The following DDAH1 variants were observed in gnomAD, a reference collection of about 807,000 sequenced individuals.
The protein encoded by DDAH1 is dimethylarginine dimethylaminohydrolase 1.
DDAH1 carries 19 observed loss-of-function variants against 28.8 expected under a neutral mutation model. The ratio of observed to expected loss-of-function variants is 0.66; its 90% CI spans 0.46 to 0.97. The LOEUF is 0.97. Ranked by LOEUF, DDAH1 falls within the 50% of genes least tolerant of loss-of-function variation. The probability of loss-of-function intolerance (pLI) is 0.00; values close to 1 mark genes in which losing one functional copy is unlikely to be tolerated. For synonymous variants in DDAH1, 153 were observed against 154.4 expected, an observed-to-expected ratio of 0.99 and a Z score of 0.07; for missense variants, 326 against 375.9, an observed-to-expected ratio of 0.87 and a Z score of 1.10.
intron 1 of DDAH1, among the ~76,000 whole-genome samples, chr1:85,359,405 C>T (rs1312998448): frequency 6.6e-6 from 1 of 152,148 alleles, no homozygotes; most frequent in Non-Finnish European, 1.5e-5. Flanking sequence ...TGGAGGCTGA[C>T]TAGTTAGGGC....
chr1:85,518,584 GC>G lies in DDAH1; in HGVS notation c.-122-22304del, dbSNP rs202155675. On this transcript the variant is annotated intron_variant, in intron 1 of 6. Transcript: ENST00000426972. ...CTCAGGCTGCTATCTCTCTCACCCT[GC>G]TTCTACCATCACATCTCTCCCTAAC... is the stretch of plus-strand genomic sequence containing the variant. 7.9e-5 allele frequency among the ~76,000 whole-genome samples: 12 copies of G among 152,202 alleles called. No homozygotes were observed. In the East Asian group the frequency reaches 2.3e-3, roughly 29 times the overall value.
chr1:85,419,671 C>T (rs939121513), intron 1 of DDAH1, among the ~76,000 whole-genome samples: 1 of 151,762 alleles, frequency 6.6e-6, no homozygotes, highest in Non-Finnish European at 1.5e-5. Flanking sequence ...CAAATGCATT[C>T]CCCTATTATT....
At chr1:85,514,572 T>C (rs557599360) in intron 1 of DDAH1, among the ~76,000 whole-genome samples, 1,845 of 151,322 alleles carry the variant, frequency 0.012, 19 homozygotes, top group Middle Eastern at 0.02. Flanking sequence ...TCTTTCCCTT[T>C]TACTATCAAT....
intron 1 of DDAH1, among the ~76,000 whole-genome samples, chr1:85,378,896 A>G (rs1650823653): frequency 6.6e-6 from 1 of 152,258 alleles, no homozygotes. Flanking sequence ...AGGTAGAGAT[A>G]ATGAGGCACA....
intron 1 of DDAH1, among the ~76,000 whole-genome samples, chr1:85,402,557 TG>T (rs1463132207): frequency 6.6e-6 from 1 of 152,228 alleles, no homozygotes; most frequent in Non-Finnish European, 1.5e-5. Context: ...AAAAATGCTT[TG>T]TATATTTTTC....
chr1:85,500,252 C>CT (rs1382604469), intron 1 of DDAH1, among the ~76,000 whole-genome samples: 2 of 141,590 alleles, frequency 1.4e-5, no homozygotes, highest in African/African-American at 5.3e-5. Flanking sequence ...TCCTTCCTTC[C>CT]TTTTTTCCTG....
At chr1:85,384,472 C>G (rs1211740874) in intron 1 of DDAH1, among the ~76,000 whole-genome samples, 2 of 152,200 alleles carry the variant, frequency 1.3e-5, no homozygotes, top group African/African-American at 4.8e-5. Context: ...AGACAATAAG[C>G]TGGGAAAATT....
At chr1:85,405,758 A>C (rs987741818) in intron 1 of DDAH1, among the ~76,000 whole-genome samples, 4 of 152,224 alleles carry the variant, frequency 2.6e-5, no homozygotes, top group Non-Finnish European at 4.4e-5. Context: ...GGAGACAAGA[A>C]CCCAAGAATC....
intron 2 of DDAH1, among the ~76,000 whole-genome samples, chr1:85,484,459 G>A (rs958441294): frequency 6.6e-6 from 1 of 152,092 alleles, no homozygotes; most frequent in Non-Finnish European, 1.5e-5. Flanking sequence ...AGCCTTGACA[G>A]TTTTCCTGCT....
chr1:85,450,509 T>A (rs1352403250), intron 1 of DDAH1, among the ~76,000 whole-genome samples: 1 of 152,202 alleles, frequency 6.6e-6, no homozygotes, highest in Non-Finnish European at 1.5e-5. Context: ...ATCCGATATA[T>A]CATCAAGAAT....
chr1:85,398,236 A>G (rs796109465), intron 1 of DDAH1, among the ~76,000 whole-genome samples: 22 of 152,200 alleles, frequency 1.4e-4, no homozygotes, highest in African/African-American at 5.3e-4. Context: ...AATTTCCAGC[A>G]AATCAAATTT....
intron 1 of DDAH1, among the ~76,000 whole-genome samples, chr1:85,502,707 T>C (rs941283448): frequency 6.6e-6 from 1 of 152,222 alleles, no homozygotes; most frequent in Non-Finnish European, 1.5e-5. Context: ...CTGCAGCCAC[T>C]GGTACAGGGC....
chr1:85,528,297 C>T (rs1410994752), intron 1 of DDAH1, among the ~76,000 whole-genome samples: 12 of 152,010 alleles, frequency 7.9e-5, no homozygotes, highest in Admixed American at 4.6e-4. Context: ...CTATTCCATT[C>T]TATTACCTCA....
At chr1:85,570,585 C>T (rs1045565503) in intron 1 of DDAH1, among the ~76,000 whole-genome samples, 7 of 152,134 alleles carry the variant, frequency 4.6e-5, no homozygotes, top group Admixed American at 1.3e-4. Flanking sequence ...GCACCATTTC[C>T]TCTGGAATCT....
At chr1:85,331,423 G>GTATATGTATATA in intron 4 of DDAH1, among the ~76,000 whole-genome samples, 1 of 148,558 alleles carries the variant, frequency 6.7e-6, no homozygotes, top group African/African-American at 2.5e-5. Context: ...ATTCATATAT[G>GTATATGTATATA]TATATATATA....
chr1:85,329,154 C>T lies in DDAH1; in HGVS notation c.598-4271G>A, dbSNP rs147521295. On this transcript the variant is annotated intron_variant, in intron 4 of 5. Coordinates refer to ENST00000284031, the MANE Select transcript of DDAH1 (RefSeq NM_012137.4). ...CAAAGCAAAAGCATGGAATGTCATA[C>T]ATTCCAGAGGAAGTGTTCTCAGGGA... 5.9e-5 allele frequency among the ~76,000 whole-genome samples: 9 copies of T among 152,348 alleles called. No individual in the cohort carries two copies. The East Asian group carries it at 1.7e-3, about 29-fold the overall frequency.
intron 4 of DDAH1, among the ~76,000 whole-genome samples, chr1:85,345,202 T>TG (rs551267698): frequency 3.9e-4 from 59 of 152,196 alleles, no homozygotes; most frequent in South Asian, 1.2e-3. Flanking sequence ...ATTTATTCTT[T>TG]GGGGGGGTTG....
chr1:85,433,940 T>C (rs966122635), intron 1 of DDAH1, among the ~76,000 whole-genome samples: 2 of 152,210 alleles, frequency 1.3e-5, no homozygotes, highest in African/African-American at 4.8e-5. Flanking sequence ...TAATTATTTA[T>C]GTTACTTAGA....
At chr1:85,435,830 G>T (rs1237811080) in intron 1 of DDAH1, among the ~76,000 whole-genome samples, 1 of 151,886 alleles carries the variant, frequency 6.6e-6, no homozygotes, top group Non-Finnish European at 1.5e-5. Context: ...TCTCTCTGTT[G>T]CCCAGGTTGG....
Sources: gnomAD v4.1 joint callset for allele counts (sites outside exome capture counted in the v4.1 genomes callset) on GRCh38, gnomAD v4.1.1 for gene constraint, MANE v1.5 for transcripts, NCBI Gene and HGNC (gene_info 2026-07-23, HGNC 2026-07-21) for gene names.